CNTNAP2: variants seen among roughly 807,000 people sequenced by gnomAD.
The protein encoded by CNTNAP2 is contactin-associated protein-like 2.
CNTNAP2 carries 98 observed loss-of-function variants against 155.2 expected under a neutral mutation model. The ratio of observed to expected loss-of-function variants is 0.63; its 90% CI spans 0.54 to 0.75. The LOEUF is 0.75. Ranked by LOEUF, CNTNAP2 falls within the 30% of genes least tolerant of loss-of-function variation. The pLI is 0.00. For missense variants in CNTNAP2, 1,727 were observed against 1,688.1 expected, an observed-to-expected ratio of 1.02 and a Z score of -0.40; for synonymous variants, 651 against 631.2, an observed-to-expected ratio of 1.03 and a Z score of -0.47.
intron 8 of CNTNAP2, among the ~76,000 whole-genome samples, chr7:147,282,961 A>G (rs192709239): frequency 6.6e-6 from 1 of 152,036 alleles, no homozygotes; most frequent in East Asian, 1.9e-4. Context: ...AACCCTTAAA[A>G]GTGTCCTGAA....
At chr7:147,491,621 A>G (rs1007490063) in intron 11 of CNTNAP2, among the ~76,000 whole-genome samples, 1 of 152,236 alleles carries the variant, frequency 6.6e-6, no homozygotes, top group Non-Finnish European at 1.5e-5. Context: ...CCCAGCACAG[A>G]CTATGCACGC....
chr7:146,876,339 G>C (rs951283707), intron 3 of CNTNAP2, among the ~76,000 whole-genome samples: 1 of 151,874 alleles, frequency 6.6e-6, no homozygotes. Flanking sequence ...GAATCAGGTC[G>C]GATTTCATAT....
chr7:146,748,343 C>T (rs1480953858), intron 1 of CNTNAP2, among the ~76,000 whole-genome samples: 1 of 151,910 alleles, frequency 6.6e-6, no homozygotes, highest in African/African-American at 2.4e-5. Flanking sequence ...GACGGGGTTT[C>T]ACCGTGTTAG....
intron 11 of CNTNAP2, among the ~76,000 whole-genome samples, chr7:147,522,848 C>G (rs1323946130): frequency 6.6e-6 from 1 of 151,254 alleles, no homozygotes; most frequent in African/African-American, 2.4e-5. Flanking sequence ...AAATATTACT[C>G]TGCCTTATTC....
At chr7:147,788,894 C>CTTTTTGTTTT (rs1797776234) in intron 13 of CNTNAP2, among the ~76,000 whole-genome samples, 1 of 126,474 alleles carries the variant, frequency 7.9e-6, no homozygotes, top group Non-Finnish European at 1.7e-5. Context: ...CTTTTTTTTT[C>CTTTTTGTTTT]TTTTTCTTTT....
chr7:147,239,510 CAAAA>C (rs74785209), intron 8 of CNTNAP2, among the ~76,000 whole-genome samples: 4 of 74,912 alleles, frequency 5.3e-5, no homozygotes, highest in Admixed American at 1.4e-4. Context: ...ACTCCGTTTC[CAAAA>C]AAAAAAAAAA....
intron 1 of CNTNAP2, among the ~76,000 whole-genome samples, chr7:146,380,616 T>A (rs145674768): frequency 6.6e-6 from 1 of 152,074 alleles, no homozygotes; most frequent in East Asian, 1.9e-4. Context: ...TTTAAAATAT[T>A]TTTTCAGTTA....
intron 21 of CNTNAP2, among the ~76,000 whole-genome samples, chr7:148,281,072 G>C (rs1236445363): frequency 6.6e-6 from 1 of 151,924 alleles, no homozygotes; most frequent in African/African-American, 2.4e-5. Context: ...GACAGGAGAG[G>C]GACCTGCAGC....
chr7:147,015,484 A>G (rs1798708580), intron 3 of CNTNAP2, among the ~76,000 whole-genome samples: 1 of 152,110 alleles, frequency 6.6e-6, no homozygotes. Flanking sequence ...CATGCCCTAT[A>G]ACATCTAAAG....
At chr7:146,272,543 T>A (rs1800098658) in intron 1 of CNTNAP2, among the ~76,000 whole-genome samples, 1 of 152,206 alleles carries the variant, frequency 6.6e-6, no homozygotes, top group African/African-American at 2.4e-5. Flanking sequence ...CAAGCACGGC[T>A]TTTTGAAAAG....
intron 9 of CNTNAP2, among the ~76,000 whole-genome samples, chr7:147,379,257 T>C (rs1563182116): frequency 6.6e-6 from 1 of 152,264 alleles, no homozygotes; most frequent in South Asian, 2.1e-4. Context: ...TTTTCTTGTA[T>C]ATTTAATTCT....
Position 147,665,138 on chromosome 7 carries a change from C to A in CNTNAP2, c.2098+25832C>A, listed in dbSNP as rs189157064. On this transcript the variant is annotated intron_variant, in intron 13 of 23. Coordinates refer to ENST00000361727, the MANE Select transcript of CNTNAP2 (RefSeq NM_014141.6). ...GAACCCCTTATAACCCTTTCTGAAA[C>A]CTACCCCACCAAGTAACCACTATTC... 1.1e-3 allele frequency among the ~76,000 whole-genome samples: 170 copies of A among 152,282 alleles called. 1 individual carries two copies. The highest frequency in any genetic ancestry group is 3.8e-3 in the African/African-American group (156 of 41,552).
chr7:147,683,729 CTTTTT>C (rs10716798), intron 13 of CNTNAP2, among the ~76,000 whole-genome samples: 2 of 134,462 alleles, frequency 1.5e-5, no homozygotes, highest in African/African-American at 5.4e-5. Flanking sequence ...CACACTCAAG[CTTTTT>C]TTTTTTTTTT....
intron 10 of CNTNAP2, among the ~76,000 whole-genome samples, chr7:147,476,353 C>T (rs1201272223): frequency 6.6e-6 from 1 of 152,028 alleles, no homozygotes; most frequent in Admixed American, 6.5e-5. Flanking sequence ...GATCCGCCCA[C>T]CTCAGCCTCC....
intron 13 of CNTNAP2, among the ~76,000 whole-genome samples, chr7:147,718,150 T>C (rs1431147506): frequency 6.6e-6 from 1 of 152,104 alleles, no homozygotes; most frequent in African/African-American, 2.4e-5. Context: ...CTAGCCAAGT[T>C]AATTTATTTA....
chr7:147,433,844 G>C (rs1424780028), intron 10 of CNTNAP2, among the ~76,000 whole-genome samples: 1 of 152,188 alleles, frequency 6.6e-6, no homozygotes, highest in Non-Finnish European at 1.5e-5. Context: ...ATGTCTTGTT[G>C]TATGACCTTG....
chr7:147,072,786 T>A (rs1376635382), intron 4 of CNTNAP2, among the ~76,000 whole-genome samples: 2 of 152,068 alleles, frequency 1.3e-5, no homozygotes, highest in Non-Finnish European at 1.5e-5. Context: ...TCTGTTGTTT[T>A]TTTTATTTTT....
intron 1 of CNTNAP2, among the ~76,000 whole-genome samples, chr7:146,710,754 C>T (rs1055967917): frequency 6.6e-6 from 1 of 152,124 alleles, no homozygotes; most frequent in African/African-American, 2.4e-5. Flanking sequence ...TGCTTCTTAT[C>T]CTCATTAGAG....
At chr7:147,131,506 T>C (rs1019738687) in intron 7 of CNTNAP2, among the ~76,000 whole-genome samples, 6 of 151,752 alleles carry the variant, frequency 4.0e-5, no homozygotes, top group African/African-American at 1.5e-4. Context: ...AGGAGGAGTA[T>C]AGAAGGGGAG....
Sources: gnomAD v4.1 joint callset for allele counts (sites outside exome capture counted in the v4.1 genomes callset) on GRCh38, gnomAD v4.1.1 for gene constraint, MANE v1.5 for transcripts, NCBI Gene and HGNC (gene_info 2026-07-23, HGNC 2026-07-21) for gene names.